The following BCORL1 variants were observed in gnomAD, a reference collection of about 807,000 sequenced individuals.
The protein encoded by BCORL1 is BCL-6 corepressor-like protein 1.
A neutral mutation model predicts 87.6 loss-of-function variants in BCORL1; 7 were observed. The ratio of observed to expected loss-of-function variants is 0.08; its 90% CI spans 0.05 to 0.15. The LOEUF (loss-of-function observed/expected upper bound fraction) is 0.15. BCORL1 is among the 10% of genes least tolerant of loss of function. BCORL1 has a pLI of 1.00. For synonymous variants in BCORL1, 591 were observed against 634.4 expected, an observed-to-expected ratio of 0.93 and a Z score of 1.03; for missense variants, 1,215 against 1,499.7, an observed-to-expected ratio of 0.81 and a Z score of 3.13.
At chrX:130,021,342 T>C in intron 5 of BCORL1, 192 bp downstream of exon 5, 3 of 706,491 alleles carry the variant, frequency 4.2e-6, no homozygotes, top group Non-Finnish European at 5.0e-6. Flanking sequence ...CCCCTTCTGC[T>C]CCTCCTGGGT....
At chrX:130,028,575 C>A in intron 7 of BCORL1, 60 bp from the exon 8 acceptor site, 1 of 996,915 alleles carries the variant, frequency 1.0e-6, no homozygotes, top group Non-Finnish European at 1.4e-6. Flanking sequence ...TAGAGGAAGG[C>A]GTTGCTTTTC....
At chrX:130,039,405 T>C (rs1223240789) in intron 11 of BCORL1, 123 bp downstream of exon 11, 1 of 842,797 alleles carries the variant, frequency 1.2e-6, no homozygotes, top group African/African-American at 2.0e-5. Context: ...ATCTGCCCTC[T>C]TCACCTGCTT....
intron 11 of BCORL1, among the ~76,000 whole-genome samples, chrX:130,050,242 G>C (rs891399589): frequency 1.8e-5 from 2 of 109,462 alleles, no homozygotes; most frequent in Non-Finnish European, 3.8e-5. Context: ...GATCAGCCTG[G>C]GCAACATGGT....
intron 10 of BCORL1, 104 bp from the exon 11 acceptor site, chrX:130,039,033 C>T: frequency 1.1e-6 from 1 of 950,605 alleles, no homozygotes; most frequent in Non-Finnish European, 1.5e-6. Flanking sequence ...ACCAAGGTTA[C>T]CTGGGGGTCA....
Position 130,014,398 on chromosome X carries a change from T to C in BCORL1, c.1626T>C (p.Asp542=), listed in dbSNP as rs1324174941. Residue 542 remains aspartate, a synonymous_variant, in exon 4 of 14, where the codon GAT becomes GAC. Transcript: ENST00000540052. ...GCACCACCACCCAGCCTGCACCCGA[T>C]GGGGTCCCTGGGCCTTTGGCAGATA... ...SGSTTTQPAP[D]GVPGPLADTS... The C allele has an allele frequency of 2.5e-6, 3 of 1,211,505 alleles. No individual in the cohort carries two copies. The highest frequency in any genetic ancestry group is 3.0e-5 in the East Asian group (1 of 33,827).
chrX:129,988,605 G>A (rs1926814558), intron 1 of BCORL1, among the ~76,000 whole-genome samples: 1 of 111,868 alleles, frequency 8.9e-6, no homozygotes, highest in African/African-American at 3.2e-5. Context: ...ATCACAGTAT[G>A]TGAGGCAGGA....
chrX:130,012,696 G>A (rs1349654565), intron 3 of BCORL1, 28 bp downstream of exon 3: 15 of 1,161,069 alleles, frequency 1.3e-5, no homozygotes, highest in Non-Finnish European at 1.5e-5. Context: ...GCCACGTGCT[G>A]TCCACCAAAG....
chrX:129,988,096 G>A (rs1185647550), intron 1 of BCORL1, among the ~76,000 whole-genome samples: 2 of 111,839 alleles, frequency 1.8e-5, no homozygotes, highest in East Asian at 5.6e-4. Flanking sequence ...AGAGTGTTTA[G>A]TGTCAGGATG....
At chrX:129,985,027 G>C (rs1030217771) in intron 1 of BCORL1, among the ~76,000 whole-genome samples, 1 of 110,883 alleles carries the variant, frequency 9.0e-6, no homozygotes, top group Non-Finnish European at 1.9e-5. Flanking sequence ...CTTGACTACT[G>C]TTAAGGCAGT....
intron 5 of BCORL1, among the ~76,000 whole-genome samples, chrX:130,022,469 A>AT (rs768312555): frequency 6.2e-4 from 67 of 108,323 alleles, no homozygotes; most frequent in Non-Finnish European, 1.1e-3. Context: ...GCTGGGCTCG[A>AT]TCTCCTGACC....
At chrX:130,043,772 ATATATATATATATT>A (rs1440070423) in intron 11 of BCORL1, among the ~76,000 whole-genome samples, 5 of 19,968 alleles carry the variant, frequency 2.5e-4, no homozygotes, top group Non-Finnish European at 3.7e-4. Flanking sequence ...ATATATATAT[ATATATATATATATT>A]TTTTTTTTTT....
rs756832990 is a variant in BCORL1 at position 130,016,060 on chromosome X, A to G, written c.3288A>G (p.Val1096=). The G allele has an allele frequency of 3.6e-5, 44 of 1,209,820 alleles. No homozygotes were observed. Among genetic ancestry groups the G allele is most frequent in the Non-Finnish European group, 4.5e-5 (40 of 895,269 alleles). The change falls in exon 4 of 14, where the codon GTA becomes GTG. Residue 1096 remains valine (V), a synonymous_variant. Transcript: ENST00000540052. ...AGQARVKQES[V]GVFACKNKWQ... is the part of the protein sequence containing the mutation. ...AGGCTCGAGTGAAACAGGAAAGCGT[A>G]GGGGTCTTTGCTTGCAAGAACAAGT...
At chrX:129,997,521 C>T (rs1047234365) in intron 1 of BCORL1, among the ~76,000 whole-genome samples, 2 of 110,568 alleles carry the variant, frequency 1.8e-5, no homozygotes, top group African/African-American at 3.3e-5. Context: ...CGGCCAGGCA[C>T]GGTGGCTCAC....
chrX:129,986,279 A>G (rs1404181295), intron 1 of BCORL1, among the ~76,000 whole-genome samples: 2 of 112,285 alleles, frequency 1.8e-5, no homozygotes. Flanking sequence ...AATCGTTGGC[A>G]TAGGGCAGAG....
chrX:130,047,018 C>G (rs1454580898), intron 11 of BCORL1, among the ~76,000 whole-genome samples: 3 of 108,483 alleles, frequency 2.8e-5, no homozygotes, highest in African/African-American at 1.0e-4. Flanking sequence ...CCTTTTGTGT[C>G]TGGCTTCTTT....
chrX:130,052,676 G>A (rs191335439), intron 13 of BCORL1, among the ~76,000 whole-genome samples: 4 of 112,724 alleles, frequency 3.5e-5, no homozygotes, highest in Non-Finnish European at 7.5e-5. Flanking sequence ...ACATGTCAGC[G>A]TGTGGAAGTG....
At position 130,015,882 on chromosome X, in the gene BCORL1, G is replaced by A. The variant is rs187190724; in HGVS notation, c.3110G>A (p.Arg1037His). 4.8e-5 allele frequency: 58 copies of A among 1,209,856 alleles called. No homozygotes were observed. The highest frequency in any genetic ancestry group is 2.4e-4 in the African/African-American group (14 of 57,193). The change falls in exon 4 of 14, where the codon CGC becomes CAC. Residue 1037 changes from arginine (R) to histidine (H), a missense_variant. Physicochemically the swap from Arg to His is conservative, Grantham distance 29. Transcript: ENST00000540052. ...PSSRRGSSTE[R>H]PQLGSQVDLG... ...AGCAGGAGGGGCTCCAGCACAGAGC[G>A]CCCACAGCTTGGAAGCCAGGTGGAT... is the stretch of plus-strand genomic sequence containing the variant.
intron 2 of BCORL1, among the ~76,000 whole-genome samples, chrX:130,011,710 G>C (rs1928989415): frequency 9.0e-6 from 1 of 110,940 alleles, no homozygotes; most frequent in African/African-American, 3.3e-5. Flanking sequence ...TTGGGACCCA[G>C]CTCTCTGGCC....
In BCORL1 at chrX:130,056,406, G is replaced by A. The variant is rs1932393004; in HGVS notation, c.*270G>A. ...ATGTCTGAGGACAAGAGGTCCCGGG[G>A]GTGGTGGGAGGTGGCGCCGGGGTCC... is the stretch of plus-strand genomic sequence containing the variant. On this transcript the variant is annotated 3_prime_UTR_variant, in exon 14 of 14. Transcript: ENST00000540052. 2 of 275,217 alleles carry A rather than the reference G, an allele frequency of 7.3e-6. No homozygotes were observed. The highest frequency in any genetic ancestry group is 1.0e-3 in the Middle Eastern group (1 of 962). The allele number at this position is 275,217 out of a possible 1,213,427, so 22.7% of individuals were successfully genotyped here.
Sources: allele counts gnomAD v4.1 joint callset (sites outside exome capture counted in the v4.1 genomes callset), GRCh38; gene constraint gnomAD v4.1.1; transcripts MANE v1.5; gene names NCBI Gene and HGNC (gene_info 2026-07-23, HGNC 2026-07-21).